The following SYNCRIP variants were observed in gnomAD, a reference collection of about 807,000 sequenced individuals.
SYNCRIP encodes the protein heterogeneous nuclear ribonucleoprotein Q.
A neutral mutation model predicts 68.9 loss-of-function variants in SYNCRIP; 9 were observed. The observed-to-expected ratio is 0.13, with a 90% CI of 0.08 to 0.23. The LOEUF (loss-of-function observed/expected upper bound fraction) is 0.23. SYNCRIP is among the 10% of genes least tolerant of loss of function. The pLI is 1.00. For missense variants in SYNCRIP, 414 were observed against 770.6 expected (o/e 0.54, Z 5.48); for synonymous variants, 258 against 254.0 (o/e 1.02, Z -0.15).
At chr6:85,641,712 G>A (rs1012185092) in intron 1 of SYNCRIP, among the ~76,000 whole-genome samples, 6 of 152,126 alleles carry the variant, frequency 3.9e-5, no homozygotes, top group African/African-American at 1.4e-4. Context: ...ATTACAAATA[G>A]AGCCCAATCA....
chr6:85,636,496 T>C (rs1808469472), intron 6 of SYNCRIP, among the ~76,000 whole-genome samples: 1 of 152,056 alleles, frequency 6.6e-6, no homozygotes, highest in Non-Finnish European at 1.5e-5. Context: ...TTGGAAAGAT[T>C]ACCAGGTCCT....
chr6:85,632,248 TC>T (rs1477520337), intron 6 of SYNCRIP, among the ~76,000 whole-genome samples: 1 of 152,200 alleles, frequency 6.6e-6, no homozygotes, highest in Non-Finnish European at 1.5e-5. Flanking sequence ...CCTAAGGTAT[TC>T]CTCCAGACAC....
intron 1 of SYNCRIP, 126 bp downstream of exon 1, chr6:85,642,671 C>A (rs1427955771): frequency 6.5e-6 from 1 of 152,982 alleles, no homozygotes; most frequent in African/African-American, 2.4e-5. Flanking sequence ...CCCCAGTCAA[C>A]GTGCTCTTCT....
At chr6:85,613,872 A>G, downstream of SYNCRIP, 2 of 667,610 alleles carry the variant, frequency 3.0e-6, no homozygotes, top group Non-Finnish European at 3.7e-6. Context: ...CTGAAAGTGG[A>G]CTTGTCAGTG....
chr6:85,637,003 A>G lies in SYNCRIP; in HGVS notation c.630T>C (p.Phe210=), dbSNP rs2128300947. The change falls in exon 6 of 11, where the codon TTT becomes TTC. Residue 210 remains phenylalanine (F), a synonymous_variant. Transcript: ENST00000369622. ...CCTCCTGAGCTGCTTCTTTTGTACA[A>G]AAAGTGACAAACGCATAACCTCTAT... The part of the protein sequence containing the change: ...GLNRGYAFVT[F]CTKEAAQEAV... 2 of 1,611,658 alleles carry G rather than the reference A, an allele frequency of 1.2e-6. No homozygotes were observed. Among genetic ancestry groups the G allele is most frequent in the Non-Finnish European group, 8.5e-7 (1 of 1,179,556 alleles).
Position 85,619,430 on chromosome 6 carries a change from A to C in SYNCRIP, c.1009-13T>G, listed in dbSNP as rs1052681163. 1 of 1,608,424 alleles carries C rather than the reference A, an allele frequency of 6.2e-7. No homozygotes were observed. Among genetic ancestry groups the C allele is most frequent in the Non-Finnish European group, 8.5e-7 (1 of 1,178,438 alleles). The stretch of plus-strand genomic sequence containing the variant: ...ACAGCACTTTTACCTAGGGGGAAGA[A>C]AATACCCCCCTGTATTATTTCCAAA... On this transcript the variant is annotated splice_polypyrimidine_tract_variant and intron_variant, in intron 8 of 10. Transcript: ENST00000369622.
At chr6:85,632,053 G>A (rs888554498) in intron 6 of SYNCRIP, among the ~76,000 whole-genome samples, 1 of 151,982 alleles carries the variant, frequency 6.6e-6, no homozygotes, top group Non-Finnish European at 1.5e-5. Flanking sequence ...CTAGAATCAG[G>A]GTCATTTAAG....
chr6:85,619,056 G>A lies in SYNCRIP; in HGVS notation c.1159-117C>T, dbSNP rs1387388066. 6 of 1,199,448 alleles carry A rather than the reference G, an allele frequency of 5.0e-6. No homozygotes were observed. The Admixed American group carries it at 1.4e-4, about 29-fold the overall frequency. The allele number at this position is 1,199,448 out of a possible 1,614,324, so 74.3% of individuals were successfully genotyped here. On this transcript the variant is annotated intron_variant, in intron 9 of 10. Transcript: ENST00000369622. Reference sequence around the variant, plus strand: ...AAGGACAAGAGAAAGCCCCATGCAGGCAGTCAAATAATTTTATTTAAAGAT... The same window carrying A: ...AAGGACAAGAGAAAGCCCCATGCAGACAGTCAAATAATTTTATTTAAAGAT...
intron 6 of SYNCRIP, among the ~76,000 whole-genome samples, chr6:85,625,945 G>GT (rs1394805014): frequency 6.6e-6 from 1 of 152,162 alleles, no homozygotes. Context: ...CTTGCTGCTG[G>GT]TATCTACTGG....
At chr6:85,634,873 A>C (rs770768454) in intron 6 of SYNCRIP, among the ~76,000 whole-genome samples, 9 of 152,192 alleles carry the variant, frequency 5.9e-5, no homozygotes, top group Admixed American at 4.6e-4. Flanking sequence ...TGAGACCATG[A>C]GTTCAAGACC....
intron 6 of SYNCRIP, among the ~76,000 whole-genome samples, chr6:85,627,437 T>C (rs1807188041): frequency 6.6e-6 from 1 of 152,052 alleles, no homozygotes; most frequent in South Asian, 2.1e-4. Context: ...CAACACCCCA[T>C]CTACGGATTA....
chr6:85,642,339 C>CTTA (rs1243742062), intron 1 of SYNCRIP, among the ~76,000 whole-genome samples: 1 of 152,202 alleles, frequency 6.6e-6, no homozygotes, highest in Non-Finnish European at 1.5e-5. Flanking sequence ...GTCCCCACCC[C>CTTA]TTACCCTTCC....
intron 4 of SYNCRIP, 23 bp downstream of exon 4, chr6:85,640,198 A>C: frequency 6.6e-7 from 1 of 1,519,784 alleles, no homozygotes. Context: ...CTTTAAAACT[A>C]AAGGGAGTAT....
intron 10 of SYNCRIP, among the ~76,000 whole-genome samples, chr6:85,617,868 GTAAC>G (rs1287347572): frequency 1.3e-5 from 2 of 152,190 alleles, no homozygotes; most frequent in African/African-American, 2.4e-5. Context: ...TAGGAAATCA[GTAAC>G]TAACTTTTTA....
At chr6:85,632,873 G>T (rs2128296290) in intron 6 of SYNCRIP, among the ~76,000 whole-genome samples, 1 of 152,210 alleles carries the variant, frequency 6.6e-6, no homozygotes, top group East Asian at 1.9e-4. Context: ...GGAGTTCAAG[G>T]TTAGTGAGCA....
rs77152280 is a variant in SYNCRIP at position 85,627,393 on chromosome 6, A to G, written c.667-3281T>C. On this transcript the variant is annotated intron_variant, in intron 6 of 10. Transcript: ENST00000369622. ...AGGAGACTCTGGGTACAACTATAAC[A>G]AAAGTAGTACCTAGAAATTAACATT... is the stretch of plus-strand genomic sequence containing the variant. 9.6e-3 allele frequency among the ~76,000 whole-genome samples: 1,465 copies of G among 152,288 alleles called. 23 individuals are homozygous for G. The highest frequency in any genetic ancestry group is 0.033 in the African/African-American group (1,376 of 41,566).
chr6:85,609,714 G>A (rs1805098926), downstream of SYNCRIP: 1 of 151,902 alleles, frequency 6.6e-6, no homozygotes. Context: ...ACTTTTGATT[G>A]CCAAGTAGTC....
At chr6:85,615,429 A>C in intron 10 of SYNCRIP, 82 bp from the exon 11 acceptor site, 1 of 903,436 alleles carries the variant, frequency 1.1e-6, no homozygotes, top group Non-Finnish European at 1.6e-6. Flanking sequence ...GTAACAGTTT[A>C]AATCCAGAGT....
At chr6:85,610,281 C>T (rs1805138681), downstream of SYNCRIP, 1 of 151,868 alleles carries the variant, frequency 6.6e-6, no homozygotes, top group Admixed American at 6.6e-5. Flanking sequence ...CAGAACAGTG[C>T]AAATGATATT....
Sources: gnomAD v4.1 joint callset for allele counts (sites outside exome capture counted in the v4.1 genomes callset) on GRCh38, gnomAD v4.1.1 for gene constraint, MANE v1.5 for transcripts, NCBI Gene and HGNC (gene_info 2026-07-23, HGNC 2026-07-21) for gene names.